The following SECTM1 variants were observed in gnomAD, a reference collection of about 807,000 sequenced individuals.
SECTM1 encodes secreted and transmembrane protein 1.
A neutral mutation model predicts 18.1 loss-of-function variants in SECTM1; 10 were observed. That is an observed-to-expected ratio of 0.55 (90% CI 0.34 to 0.94). The LOEUF (loss-of-function observed/expected upper bound fraction) is 0.94, where lower values mean the gene tolerates loss of function less well. Among genes scored for constraint, SECTM1 ranks in the 40% least tolerant of loss-of-function variants. The pLI is 0.02. For synonymous variants in SECTM1, 137 were observed against 139.2 expected (o/e 0.98, Z 0.11); for missense variants, 297 against 322.6 (o/e 0.92, Z 0.61).
At chr17:82,323,711 A>G (rs1186408577) in intron 3 of SECTM1, among the ~76,000 whole-genome samples, 3 of 151,820 alleles carry the variant, frequency 2.0e-5, no homozygotes, top group Non-Finnish European at 4.4e-5. Context: ...TGAACCAGAT[A>G]AGTAGCTGGT....
chr17:82,325,162 G>A lies in SECTM1; in HGVS notation c.95-272C>T, dbSNP rs1231285586. Among the ~76,000 whole-genome samples, 1 of 152,162 alleles carries A rather than the reference G, an allele frequency of 6.6e-6. No individual in the cohort carries two copies. The highest frequency in any genetic ancestry group is 1.5e-5 in the Non-Finnish European group (1 of 68,024). ...TTCCTTGGGGTGTGTCAGCTTGGAC[G>A]AAGGCATTTCCTATCAACTCCCTCC... is the stretch of plus-strand genomic sequence containing the variant. On this transcript the variant is annotated intron_variant, in intron 2 of 4. Coordinates refer to ENST00000269389, the MANE Select transcript of SECTM1 (RefSeq NM_003004.3). The surrounding 1 kb of genome is among the most constrained non-coding windows in gnomAD (Gnocchi z 7.6).
intron 1 of SECTM1, 97 bp from the exon 2 acceptor site, chr17:82,327,389 T>C (rs930748132): frequency 1.5e-6 from 1 of 681,156 alleles, no homozygotes; most frequent in East Asian, 2.9e-5. Flanking sequence ...AGGCTGGGGG[T>C]CCCCGAGCTC....
intron 3 of SECTM1, 85 bp from the exon 4 acceptor site, chr17:82,323,096 C>A: frequency 7.0e-7 from 1 of 1,420,876 alleles, no homozygotes. Flanking sequence ...GCCTCCTCCT[C>A]CTACACACTC....
chr17:82,333,725 C>T lies in SECTM1; in HGVS notation c.-78G>A, dbSNP rs2052213281. On this transcript the variant is annotated 5_prime_UTR_variant, in exon 1 of 5. Coordinates refer to ENST00000269389, the MANE Select transcript of SECTM1 (RefSeq NM_003004.3). ...CGGGTCCGCTCCTGGACGCGCTCCTCTGGGATGCAGCTTCTCCGCGCCCCG... is the reference window on the plus strand; with the variant it reads ...CGGGTCCGCTCCTGGACGCGCTCCTTTGGGATGCAGCTTCTCCGCGCCCCG... 1.4e-5 allele frequency: 2 copies of T among 147,738 alleles called. No individual in the cohort carries two copies. The highest frequency in any genetic ancestry group is 6.8e-5 in the Admixed American group (1 of 14,700). The allele number at this position is 147,738 out of a possible 1,614,324, so 9.2% of individuals were successfully genotyped here.
At position 82,322,111 on chromosome 17, in the gene SECTM1, G is replaced by T. The variant is rs1441277833; in HGVS notation, c.*50C>A. 6.3e-7 allele frequency: 1 copy of T among 1,589,328 alleles called. No individual in the cohort carries two copies. The highest frequency in any genetic ancestry group is 8.6e-7 in the Non-Finnish European group (1 of 1,159,066). ...GAGAGACCCAGGCCCCGCCACCCAA[G>T]GTCGGCACTCAGGGCTGGCTCTCCT... On this transcript the variant is annotated 3_prime_UTR_variant, in exon 5 of 5. Coordinates refer to ENST00000269389, the MANE Select transcript of SECTM1 (RefSeq NM_003004.3).
chr17:82,322,077 G>T lies in SECTM1; in HGVS notation c.*84C>A. 3 of 1,371,016 alleles carry T rather than the reference G, an allele frequency of 2.2e-6. No individual in the cohort carries two copies. Among genetic ancestry groups the T allele is most frequent in the South Asian group, 1.2e-5 (1 of 84,546 alleles). The allele number at this position is 1,371,016 out of a possible 1,614,324, so 84.9% of individuals were successfully genotyped here. ...AAGCAAGCCGGTGTCTGTGCCCTCC[G>T]GGTGGGACGAGAGACCCAGGCCCCG... On this transcript the variant is annotated 3_prime_UTR_variant, in exon 5 of 5. Coordinates refer to ENST00000269389, the MANE Select transcript of SECTM1 (RefSeq NM_003004.3).
chr17:82,324,931 C>T, intron 2 of SECTM1, 41 bp from the exon 3 acceptor site: 2 of 1,567,040 alleles, frequency 1.3e-6, no homozygotes, highest in Non-Finnish European at 1.7e-6. Flanking sequence ...CAGGGCTGGA[C>T]CTCAGGGCAT....
intron 1 of SECTM1, among the ~76,000 whole-genome samples, chr17:82,327,898 A>G (rs73999879): frequency 0.059 from 8,669 of 145,956 alleles, 366 homozygotes; most frequent in African/African-American, 0.1. Context: ...AGCCAAGCCC[A>G]GCGCTGACCA....
Position 82,322,849 on chromosome 17 carries a change from C to T in SECTM1, c.537+29G>A, listed in dbSNP as rs150777619. 2.6e-4 allele frequency: 412 copies of T among 1,611,644 alleles called. 8 individuals carry two copies. In the East Asian group the frequency reaches 8.1e-3, roughly 32 times the overall value. On this transcript the variant is annotated intron_variant, in intron 4 of 4. Coordinates refer to ENST00000269389, the MANE Select transcript of SECTM1 (RefSeq NM_003004.3). ...CAGCCCCACCCAAGACTCCCCACCC[C>T]GCACAAACTGGGGTGCAGGGCCTCC...
At chr17:82,324,557 CTTG>C in intron 3 of SECTM1, 22 bp downstream of exon 3, 4 of 1,574,538 alleles carry the variant, frequency 2.5e-6, no homozygotes, top group Non-Finnish European at 1.7e-6. Context: ...TCCCCTCCCC[CTTG>C]CTTCCCCGAG....
chr17:82,327,209 T>A lies in SECTM1; in HGVS notation c.32A>T (p.His11Leu). Residue 11 changes from histidine to leucine, a missense_variant, in exon 2 of 5, where the codon CAC becomes CTC. Physicochemically the swap from His to Leu is moderately conservative, Grantham distance 99 (BLOSUM62 -3). Transcript: ENST00000269389. ...GAGGGTCCCAAGGGCCTGGGAAACG[T>A]GGCCAGGGAATGCCAGGGGGCAGGT... MQTCPLAFPGHVSQALGTLLF... is the reference protein window; with the variant it reads MQTCPLAFPGLVSQALGTLLF... The A allele has an allele frequency of 6.8e-6, 11 of 1,611,824 alleles. No individual in the cohort carries two copies. The highest frequency in any genetic ancestry group is 9.3e-6 in the Non-Finnish European group (11 of 1,178,976).
chr17:82,331,781 GTGGCACAGGGAGACC>G (rs1262561892), intron 1 of SECTM1, among the ~76,000 whole-genome samples: 4 of 152,258 alleles, frequency 2.6e-5, no homozygotes, highest in African/African-American at 7.2e-5. Flanking sequence ...AGCTCCGTGT[GTGGCACAGGGAGACC>G]TGGCACAGGG....
At chr17:82,331,776 C>T (rs1266001367) in intron 1 of SECTM1, among the ~76,000 whole-genome samples, 17 of 152,232 alleles carry the variant, frequency 1.1e-4, no homozygotes, top group Non-Finnish European at 2.5e-4. Flanking sequence ...CGGGCAGCTC[C>T]GTGTGTGGCA....
chr17:82,322,308 C>A lies in SECTM1; in HGVS notation c.600G>T (p.Gln200His). 1 of 1,613,362 alleles carries A rather than the reference C, an allele frequency of 6.2e-7. No individual in the cohort carries two copies. Among genetic ancestry groups the A allele is most frequent in the Non-Finnish European group, 8.5e-7 (1 of 1,179,600 alleles). The change falls in exon 5 of 5, where the codon CAG (glutamine) becomes CAT (histidine). Residue 200 changes from glutamine (Q) to histidine (H), a missense_variant. Physicochemically the swap from Gln to His is conservative, Grantham distance 24 (BLOSUM62 0). Transcript: ENST00000269389. ...KVAALRAGAQ[Q>H]GLSRASAELW... ...GTTCAGCGGAGGCTCTGCTCAGGCC[C>A]TGCTGGGCTCCCGCTCTGAGGGCTG...
At position 82,330,920 on chromosome 17, in the gene SECTM1, T is replaced by C. The variant is rs571407933; in HGVS notation, c.-53+2780A>G. On this transcript the variant is annotated intron_variant, in intron 1 of 4. Transcript: ENST00000269389. This position sits in a 1 kb window ranked among gnomAD's most constrained non-coding sequence, Gnocchi z 6.1. ...CTGGACTGCACCGTTCCGGAGATGC[T>C]GCCTCCCCACCAAGTCCCTTTAGCC... Among the ~76,000 whole-genome samples the C allele has an allele frequency of 6.6e-6, 1 of 152,290 alleles. No individual in the cohort carries two copies. The highest frequency in any genetic ancestry group is 2.4e-5 in the African/African-American group (1 of 41,562).
chr17:82,325,907 ATGG>A lies in SECTM1; in HGVS notation c.95-1020_95-1018del, dbSNP rs1307630923. On this transcript the variant is annotated intron_variant, in intron 2 of 4. Coordinates refer to ENST00000269389, the MANE Select transcript of SECTM1 (RefSeq NM_003004.3). The surrounding 1 kb of genome is among the most constrained non-coding windows in gnomAD (Gnocchi z 7.6). ...CACATTTCACCAAATACAAAACCAC[ATGG>A]TGGGTGCCATGTGCTGGCAAGTGCC... 2.0e-5 allele frequency among the ~76,000 whole-genome samples: 3 copies of A among 152,112 alleles called. No individual in the cohort carries two copies. Among genetic ancestry groups the A allele is most frequent in the Admixed American group, 2.0e-4 (3 of 15,292 alleles).
chr17:82,322,505 C>T (rs1450184712), intron 4 of SECTM1, 135 bp from the exon 5 acceptor site: 13 of 873,490 alleles, frequency 1.5e-5, no homozygotes, highest in Admixed American at 2.3e-5. Context: ...TCCCAGCCCT[C>T]GCCTGGGTTC....
Position 82,330,180 on chromosome 17 carries a change from C to T in SECTM1, c.-52-2888G>A, listed in dbSNP as rs577365220. 8.5e-5 allele frequency among the ~76,000 whole-genome samples: 13 copies of T among 152,302 alleles called. No individual in the cohort carries two copies. The highest frequency in any genetic ancestry group is 4.6e-4 in the Admixed American group (7 of 15,312). Reference sequence around the variant, plus strand: ...ACCTTGGAACCGTGCAGATGGACAGCAGGGAGGGTCGGGGCTGCTGGGGGC... The same window carrying T: ...ACCTTGGAACCGTGCAGATGGACAGTAGGGAGGGTCGGGGCTGCTGGGGGC... On this transcript the variant is annotated intron_variant, in intron 1 of 4. Coordinates refer to ENST00000269389, the MANE Select transcript of SECTM1 (RefSeq NM_003004.3). The surrounding 1 kb of genome is among the most constrained non-coding windows in gnomAD (Gnocchi z 6.1).
In SECTM1 at chr17:82,325,807, G is replaced by T. The variant is rs1049085286; in HGVS notation, c.95-917C>A. On this transcript the variant is annotated intron_variant, in intron 2 of 4. Coordinates refer to ENST00000269389, the MANE Select transcript of SECTM1 (RefSeq NM_003004.3). This position sits in a 1 kb window ranked among gnomAD's most constrained non-coding sequence, Gnocchi z 7.6. ...CGTCCACCAGTGACTGGACACGGAC[G>T]GATGGACGGACAGACGGACGGCAGG... Among the ~76,000 whole-genome samples, 1 of 152,246 alleles carries T rather than the reference G, an allele frequency of 6.6e-6. No homozygotes were observed. The highest frequency in any genetic ancestry group is 2.4e-5 in the African/African-American group (1 of 41,470).
Sources: allele counts gnomAD v4.1 joint callset (sites outside exome capture counted in the v4.1 genomes callset), GRCh38; gene constraint gnomAD v4.1.1; non-coding constraint Gnocchi (gnomAD v3.1); transcripts MANE v1.5; gene names NCBI Gene and HGNC (gene_info 2026-07-23, HGNC 2026-07-21).